Variants in ERN2 observed in about 807,000 individuals in gnomAD.
ERN2 encodes the protein endoplasmic reticulum to nucleus signaling 2.
ERN2 carries 111 observed loss-of-function variants against 107.9 expected under a neutral mutation model. The ratio of observed to expected loss-of-function variants is 1.03; its 90% CI spans 0.88 to 1.20. ERN2 has a LOEUF of 1.20. Among genes scored for constraint, ERN2 ranks in the 50% most tolerant of loss-of-function variants. The probability of loss-of-function intolerance (pLI) is 0.00; values close to 1 mark genes in which losing one functional copy is unlikely to be tolerated. For synonymous variants in ERN2, 524 were observed against 501.7 expected, an observed-to-expected ratio of 1.04 and a Z score of -0.59; for missense variants, 1,225 against 1,197.9, an observed-to-expected ratio of 1.02 and a Z score of -0.33.
intron 11 of ERN2, among the ~76,000 whole-genome samples, 181 bp downstream of exon 11, chr16:23,701,971 T>TAACAAC (rs1555467632): frequency 3.0e-5 from 2 of 66,082 alleles, no homozygotes; most frequent in African/African-American, 5.7e-5. Context: ...TTTCTGGCAG[T>TAACAAC]AACAACAACA....
At chr16:23,691,564 CCT>C (rs943324440) in intron 19 of ERN2, 139 bp from the exon 20 acceptor site, 22 of 1,046,706 alleles carry the variant, frequency 2.1e-5, no homozygotes, top group African/African-American at 3.2e-5. Flanking sequence ...CTGTGCCACG[CCT>C]CTGTTATTTA....
intron 4 of ERN2, 57 bp downstream of exon 4, chr16:23,710,115 C>A: frequency 8.3e-7 from 1 of 1,209,958 alleles, no homozygotes; most frequent in Non-Finnish European, 1.2e-6. Context: ...CCTCTCAGTG[C>A]TCCAGCTGAC....
intron 8 of ERN2, among the ~76,000 whole-genome samples, chr16:23,703,495 A>C (rs1960176253): frequency 6.6e-6 from 1 of 152,126 alleles, no homozygotes; most frequent in African/African-American, 2.4e-5. Context: ...AAGTATCTTC[A>C]TTTCTTGCCT....
Position 23,702,722 on chromosome 16 carries a change from AG to A in ERN2, c.855-21del, listed in dbSNP as rs777995034. 1.9e-6 allele frequency: 3 copies of A among 1,602,084 alleles called. No individual in the cohort carries two copies. In the Admixed American group the frequency reaches 5.0e-5, roughly 27 times the overall value. On this transcript the variant is annotated intron_variant, in intron 8 of 21. Transcript: ENST00000256797. ...GTCATTCTAGTGGGAGAGAAGAAAAAGAAGAGAAGAATGAATGCTGGTGATG... is the reference window on the plus strand; with the variant it reads ...GTCATTCTAGTGGGAGAGAAGAAAAAAAGAGAAGAATGAATGCTGGTGATG...
chr16:23,701,211 G>A (rs1960052667), intron 11 of ERN2, 97 bp from the exon 12 acceptor site: 4 of 1,293,994 alleles, frequency 3.1e-6, no homozygotes, highest in African/African-American at 1.5e-5. Context: ...TTAGCTGAAG[G>A]GGCAGTGAGT....
intron 8 of ERN2, 45 bp from the exon 9 acceptor site, chr16:23,702,747 T>A (rs749072573): frequency 3.3e-5 from 51 of 1,528,242 alleles, no homozygotes; most frequent in East Asian, 1.1e-4. Context: ...ATGCTGGTGA[T>A]GGGTAGTTTC....
chr16:23,702,100 C>A, intron 11 of ERN2, 52 bp downstream of exon 11: 2 of 1,570,848 alleles, frequency 1.3e-6, no homozygotes, highest in Non-Finnish European at 1.7e-6. Context: ...GGGCTATTCC[C>A]CCCATCTGCT....
At chr16:23,702,335 G>A (rs1001403328) in intron 10 of ERN2, 55 bp downstream of exon 10, 12 of 1,611,066 alleles carry the variant, frequency 7.4e-6, no homozygotes, top group African/African-American at 1.3e-5. Flanking sequence ...CTCAGAAGCT[G>A]GGCTCACAGG....
chr16:23,700,875 A>G (rs1960034169), intron 12 of ERN2, 84 bp downstream of exon 12: 2 of 1,511,722 alleles, frequency 1.3e-6, no homozygotes, highest in East Asian at 2.3e-5. Context: ...AGAGCTGGGT[A>G]GAGGGAGAGA....
chr16:23,696,109 G>T, intron 13 of ERN2, 131 bp from the exon 14 acceptor site: 1 of 675,668 alleles, frequency 1.5e-6, no homozygotes, highest in Non-Finnish European at 2.7e-6. Context: ...GTGGGTAAGA[G>T]CAAGGGCCCA....
rs1470632842 is a variant in ERN2, at chr16:23,704,885, C to A, written c.852G>T (p.Leu284=). 8 of 1,607,938 alleles carry A rather than the reference C, an allele frequency of 5.0e-6. No homozygotes were observed. Among genetic ancestry groups the A allele is most frequent in the Non-Finnish European group, 6.8e-6 (8 of 1,179,774 alleles). The change falls in exon 8 of 22, where the codon CTG becomes CTT. Residue 284 remains leucine, a splice_region_variant and synonymous_variant. Transcript: ENST00000256797. ...ATLFSTLDTQ[L]LMTLYVGKDE... ...GGGCCCCAGGCACGAACACCTACAG[C>A]AGCTGGGTGTCCAAGGTAGAGAAGA...
chr16:23,700,958 C>T lies in ERN2; in HGVS notation c.1359+1G>A. ...ACCTGAGGTCAGGGCGGTGGGCCTACCTGCCTCATCACAAAGAGAATCCAC... is the reference window on the plus strand; with the variant it reads ...ACCTGAGGTCAGGGCGGTGGGCCTATCTGCCTCATCACAAAGAGAATCCAC... On this transcript the variant is annotated splice_donor_variant, in intron 12 of 21. Transcript: ENST00000256797. LOFTEE classifies it high-confidence loss of function. The T allele has an allele frequency of 6.2e-7, 1 of 1,613,600 alleles. No homozygotes were observed. Among genetic ancestry groups the T allele is most frequent in the South Asian group, 1.1e-5 (1 of 91,008 alleles).
At chr16:23,693,601 A>AAT (rs1555466491) in intron 17 of ERN2, among the ~76,000 whole-genome samples, 1,512 of 147,742 alleles carry the variant, frequency 0.01, 13 homozygotes, top group African/African-American at 0.012. Flanking sequence ...AAAAAAAAAA[A>AAT]ATATATATAT....
intron 13 of ERN2, chr16:23,697,176 T>TTAATAATAA (rs59956325): frequency 1.1e-3 from 162 of 144,420 alleles, no homozygotes; most frequent in East Asian, 4.9e-3. Flanking sequence ...ATCTCAATAA[T>TTAATAATAA]TAATAATAAT....
chr16:23,708,157 C>T (rs1960398697), intron 4 of ERN2, among the ~76,000 whole-genome samples: 2 of 152,044 alleles, frequency 1.3e-5, no homozygotes, highest in Admixed American at 6.6e-5. Flanking sequence ...GTAGCTGCTC[C>T]CTCCCCAGCC....
intron 19 of ERN2, 107 bp from the exon 20 acceptor site, chr16:23,691,532 C>T (rs1259789101): frequency 1.9e-5 from 26 of 1,337,042 alleles, no homozygotes; most frequent in Non-Finnish European, 2.5e-5. Context: ...AGGATCATTG[C>T]CTCTGGGGGC....
At position 23,702,213 on chromosome 16, in the gene ERN2, C is replaced by G; in HGVS notation, c.1142G>C (p.Gly381Ala). Residue 381 changes from glycine (G) to alanine (A), a missense_variant, in exon 11 of 22, where the codon GGG becomes GCG. Physicochemically the swap from Gly to Ala is moderately conservative, Grantham distance 60 (BLOSUM62 0). Coordinates refer to ENST00000256797, the MANE Select transcript of ERN2 (RefSeq NM_033266.4). ...TTMLRVHPTL[G>A]SGTAETRPPE... Reference sequence around the variant, plus strand: ...AGGTCTTGTCTCTGCAGTTCCACTCCCCAGGGTGGGATGGACCCTCAGCAT... The same window carrying G: ...AGGTCTTGTCTCTGCAGTTCCACTCGCCAGGGTGGGATGGACCCTCAGCAT... 6.2e-7 allele frequency: 1 copy of G among 1,614,126 alleles called. No individual in the cohort carries two copies. The highest frequency in any genetic ancestry group is 8.5e-7 in the Non-Finnish European group (1 of 1,180,022).
intron 1 of ERN2, among the ~76,000 whole-genome samples, chr16:23,711,531 A>AT (rs11403429): frequency 0.095 from 14,460 of 151,552 alleles, 823 homozygotes; most frequent in South Asian, 0.19. Context: ...TAATTTTTGT[A>AT]TTTTTTTGTA....
At chr16:23,708,162 C>G (rs1047603729) in intron 4 of ERN2, among the ~76,000 whole-genome samples, 1 of 152,094 alleles carries the variant, frequency 6.6e-6, no homozygotes, top group Non-Finnish European at 1.5e-5. Context: ...TGCTCCCTCC[C>G]CAGCCTCCAG....
Sources: gnomAD v4.1 joint callset for allele counts (sites outside exome capture counted in the v4.1 genomes callset) on GRCh38, gnomAD v4.1.1 for gene constraint, MANE v1.5 for transcripts, NCBI Gene and HGNC (gene_info 2026-07-23, HGNC 2026-07-21) for gene names.